ITFG2: variants seen among roughly 807,000 people sequenced by gnomAD.
ITFG2 encodes the protein integrin alpha FG-GAP repeat containing 2.
Under a neutral mutation model 54.4 loss-of-function variants are expected in ITFG2, and 36 were observed. The observed-to-expected ratio is 0.66, with a 90% CI of 0.51 to 0.87. The LOEUF (loss-of-function observed/expected upper bound fraction) is 0.87. ITFG2 is among the 40% of genes least tolerant of loss of function. The probability of loss-of-function intolerance (pLI) is 0.00; values close to 1 mark genes in which losing one functional copy is unlikely to be tolerated. For missense variants in ITFG2, 524 were observed against 576.7 expected, an observed-to-expected ratio of 0.91 and a Z score of 0.94; for synonymous variants, 211 against 225.4, an observed-to-expected ratio of 0.94 and a Z score of 0.57.
chr12:2,841,079 C>T (rs1342807787), intron 2 of ITFG2: 1 of 152,758 alleles, frequency 6.5e-6, no homozygotes, highest in Non-Finnish European at 1.5e-5. Context: ...TTCTCCATCC[C>T]CTCTGTCAGG....
upstream of ITFG2, chr12:2,835,528 T>G (rs1350869729): frequency 6.6e-6 from 1 of 152,392 alleles, no homozygotes; most frequent in Non-Finnish European, 1.5e-5. Flanking sequence ...GATGTCAGAG[T>G]CTTTAACTAA....
At position 2,821,143 on chromosome 12, in the gene ITFG2, G is replaced by A. The variant is rs1455081592; in HGVS notation, c.696-119G>A. ...TTGCCACATGGGCCAGATAGGGTCAGTGGTAGGTTTCTAAGCTGATTCAAA... is the reference window on the plus strand; with the variant it reads ...TTGCCACATGGGCCAGATAGGGTCAATGGTAGGTTTCTAAGCTGATTCAAA... On this transcript the variant is annotated intron_variant, in intron 6 of 11. Coordinates refer to ENST00000228799, the MANE Select transcript of ITFG2 (RefSeq NM_018463.4). 18 of 839,784 alleles carry A rather than the reference G, an allele frequency of 2.1e-5. No homozygotes were observed. The Admixed American group carries it at 4.3e-4, about 20-fold the overall frequency. 52.0% of individuals were successfully genotyped at this position (839,784 alleles called of 1,614,324 possible).
intron 3 of ITFG2, chr12:2,859,531 C>G: frequency 6.2e-7 from 1 of 1,614,062 alleles, no homozygotes; most frequent in Non-Finnish European, 8.5e-7. Flanking sequence ...ATTTCCTCCC[C>G]AGGCTGGATT....
upstream of ITFG2, chr12:2,836,763 G>A (rs971659971): frequency 6.6e-6 from 1 of 152,230 alleles, no homozygotes; most frequent in African/African-American, 2.4e-5. Context: ...GGGACGCAGA[G>A]AGAAACGCAC....
At chr12:2,822,069 A>G (rs2097947332) in intron 9 of ITFG2, among the ~76,000 whole-genome samples, 2 of 152,032 alleles carry the variant, frequency 1.3e-5, no homozygotes, top group African/African-American at 4.8e-5. Flanking sequence ...CTGGGACTAC[A>G]GGCGTGTGCC....
chr12:2,820,042 T>C (rs372802471), intron 4 of ITFG2, 44 bp from the exon 5 acceptor site: 1 of 1,568,622 alleles, frequency 6.4e-7, no homozygotes. Context: ...GAGCGGGGGC[T>C]GCTCGTGGGA....
At chr12:2,858,601 TG>T in intron 3 of ITFG2, 2 of 1,582,428 alleles carry the variant, frequency 1.3e-6, no homozygotes, top group Non-Finnish European at 1.7e-6. Flanking sequence ...GTGCCCGGGA[TG>T]GTGGACAGCT....
chr12:2,830,855 C>T (rs538103234), exon 3 of ITFG2: 15 of 1,612,224 alleles, frequency 9.3e-6, no homozygotes, highest in East Asian at 4.5e-5. Flanking sequence ...TCACACTGCG[C>T]GGCTGCTGGC....
At chr12:2,830,791 G>T (rs768143956) in intron 2 of ITFG2, 45 of 1,613,626 alleles carry the variant, frequency 2.8e-5, no homozygotes, top group Non-Finnish European at 3.6e-5. Flanking sequence ...TCCTGCATCC[G>T]GGGAGGCTCC....
chr12:2,849,849 C>T (rs1217370536), intron 2 of ITFG2, among the ~76,000 whole-genome samples: 1 of 152,220 alleles, frequency 6.6e-6, no homozygotes, highest in Non-Finnish European at 1.5e-5. Flanking sequence ...ACCTTTTCCA[C>T]TAATGCAGTG....
At chr12:2,827,703 G>C (rs771899296), downstream of ITFG2, 13 of 1,613,634 alleles carry the variant, frequency 8.1e-6, no homozygotes, top group Admixed American at 2.2e-4. This position sits in a 1 kb window ranked among gnomAD's most constrained non-coding sequence, Gnocchi z 4.0. Context: ...GAAAACAGAA[G>C]AGGCTGAGGG....
At chr12:2,859,379 G>A (rs746339139) in intron 3 of ITFG2, 2 of 1,613,970 alleles carry the variant, frequency 1.2e-6, no homozygotes, top group South Asian at 2.2e-5. Flanking sequence ...TAAGCCCACT[G>A]TAGGACTTCT....
rs1565430461 is a variant in ITFG2, at chr12:2,830,787, A to T, written c.*60-47A>T. On this transcript the variant is annotated intron_variant and NMD_transcript_variant, in intron 2 of 2. Coordinates refer to the ITFG2 transcript ENST00000538822. ...CTCCTGGCCATGAATCAGGTCCTGC[A>T]TCCGGGGAGGCTCCCCCTGAAGCCA... 19 of 1,613,936 alleles carry T rather than the reference A, an allele frequency of 1.2e-5. No individual in the cohort carries two copies. The South Asian group carries it at 2.0e-4, about 17-fold the overall frequency.
In ITFG2 at chr12:2,820,846, C is replaced by T. The variant is rs140856468; in HGVS notation, c.669C>T (p.Ala223=). Residue 223 remains alanine, a synonymous_variant, in exon 6 of 12, where the codon GCC becomes GCT. Coordinates refer to ENST00000228799, the MANE Select transcript of ITFG2 (RefSeq NM_018463.4). ...TWKKDTGSPP[A]SEGPTDGSRE... ...AAAAGGACACTGGGTCCCCTCCTGC[C>T]TCTGAAGGGCCCACGGATGGTAGTA... 99 of 1,613,940 alleles carry T rather than the reference C, an allele frequency of 6.1e-5. No individual in the cohort carries two copies. The highest frequency in any genetic ancestry group is 1.5e-4 in the Admixed American group (9 of 59,988).
chr12:2,828,205 C>G (rs1486177624), downstream of ITFG2: 5 of 1,161,802 alleles, frequency 4.3e-6, no homozygotes, highest in East Asian at 7.0e-5. Context: ...TCTAGCCACT[C>G]TTTTGTTAAA....
chr12:2,856,480 C>T (rs1478551179), intron 2 of ITFG2, among the ~76,000 whole-genome samples: 1 of 152,194 alleles, frequency 6.6e-6, no homozygotes, highest in African/African-American at 2.4e-5. Context: ...ATTCTCCTGC[C>T]TCAGCCTCCT....
intron 5 of ITFG2, among the ~76,000 whole-genome samples, 165 bp from the exon 6 acceptor site, chr12:2,820,558 TC>T (rs1345120720): frequency 6.6e-6 from 1 of 151,942 alleles, no homozygotes; most frequent in African/African-American, 2.4e-5. Flanking sequence ...CCCTGGAAAC[TC>T]GAAATCCTTC....
chr12:2,847,387 G>A (rs79214820), intron 2 of ITFG2, among the ~76,000 whole-genome samples: 4,964 of 152,196 alleles, frequency 0.033, 254 homozygotes, highest in African/African-American at 0.11. Context: ...GGCCAGACGC[G>A]GTGGCTCACG....
At chr12:2,833,806 A>C (rs536099639), upstream of ITFG2, among the ~76,000 whole-genome samples, 32 of 152,198 alleles carry the variant, frequency 2.1e-4, 1 homozygote, top group African/African-American at 7.7e-4. Flanking sequence ...AGCTCTAACA[A>C]CTCTCCCAAC....
Sources: gnomAD v4.1 joint callset for allele counts (sites outside exome capture counted in the v4.1 genomes callset) on GRCh38, gnomAD v4.1.1 for gene constraint, Gnocchi (gnomAD v3.1) non-coding constraint, MANE v1.5 for transcripts, NCBI Gene and HGNC (gene_info 2026-07-23, HGNC 2026-07-21) for gene names.